Variants in MAPK8 observed in about 807,000 individuals in gnomAD.
MAPK8 encodes mitogen-activated protein kinase 8.
MAPK8 carries 13 observed loss-of-function variants against 52.9 expected under a neutral mutation model. The observed-to-expected ratio is 0.25, with a 90% CI of 0.16 to 0.39. The LOEUF (loss-of-function observed/expected upper bound fraction) is 0.39, where lower values mean the gene tolerates loss of function less well. MAPK8 is among the 10% of genes least tolerant of loss of function. The pLI is 1.00. For missense variants in MAPK8, 300 were observed against 519.2 expected (o/e 0.58, Z 4.10); for synonymous variants, 191 against 169.8 (o/e 1.12, Z -0.97).
At chr10:48,414,644 A>G (rs1353085250) in intron 5 of MAPK8, among the ~76,000 whole-genome samples, 1 of 145,610 alleles carries the variant, frequency 6.9e-6, no homozygotes. Context: ...TAGCATGAAC[A>G]TGGCTTACTG....
Position 48,410,024 on chromosome 10 carries a change from A to G in MAPK8, c.312-6A>G. On this transcript the variant is annotated splice_region_variant and splice_polypyrimidine_tract_variant and intron_variant, in intron 4 of 11. Transcript: ENST00000374189. ...CTTTAGCTGTTCTCTTTTTTCACTC[A>G]TAAAGTTACATAGTCATGGAGCTCA... 1 of 1,603,854 alleles carries G rather than the reference A, an allele frequency of 6.2e-7. No homozygotes were observed. The highest frequency in any genetic ancestry group is 2.2e-5 in the East Asian group (1 of 44,806).
At chr10:48,431,167 T>C (rs1365320499) in intron 10 of MAPK8, 26 bp from the exon 11 acceptor site, 3 of 1,502,126 alleles carry the variant, frequency 2.0e-6, no homozygotes, top group Middle Eastern at 1.8e-4. Context: ...CTTTGAAAAG[T>C]TCATTTTTGT....
rs146819278 is a variant in MAPK8 at position 48,393,878 on chromosome 10, A to G, written c.-49-7734A>G. 1.5e-3 allele frequency among the ~76,000 whole-genome samples: 225 copies of G among 152,146 alleles called. 1 individual carries two copies. Among genetic ancestry groups the G allele is most frequent in the African/African-American group, 5.3e-3 (222 of 41,578 alleles). On this transcript the variant is annotated intron_variant, in intron 1 of 11. Transcript: ENST00000374189. ...AAGTGTAAAACATTAGAGAAAAGTA[A>G]GAGAAATTAAAATCTTGTTTTTTTG... is the stretch of plus-strand genomic sequence containing the variant.
At chr10:48,404,034 C>T (rs1006743385) in intron 2 of MAPK8, among the ~76,000 whole-genome samples, 6 of 151,734 alleles carry the variant, frequency 4.0e-5, no homozygotes, top group Non-Finnish European at 5.9e-5. Context: ...CTACCCGCCT[C>T]GGCCTCCCAA....
intron 11 of MAPK8, among the ~76,000 whole-genome samples, chr10:48,433,148 T>C (rs1347316980): frequency 1.3e-5 from 2 of 152,222 alleles, no homozygotes; most frequent in African/African-American, 4.8e-5. Context: ...ATTATTACCA[T>C]TCAGATATTT....
chr10:48,358,592 A>G (rs1847209283), intron 1 of MAPK8, among the ~76,000 whole-genome samples: 2 of 152,124 alleles, frequency 1.3e-5, no homozygotes, highest in African/African-American at 4.8e-5. Context: ...ATGTCCTCTG[A>G]TGTACAAAAG....
chr10:48,350,160 C>A (rs574170176), intron 1 of MAPK8, among the ~76,000 whole-genome samples: 1 of 152,118 alleles, frequency 6.6e-6, no homozygotes, highest in African/African-American at 2.4e-5. Context: ...CAGGACCAGA[C>A]GGATTCACAG....
chr10:48,332,137 C>T (rs111829286), intron 1 of MAPK8, among the ~76,000 whole-genome samples: 2 of 152,278 alleles, frequency 1.3e-5, no homozygotes, highest in African/African-American at 4.8e-5. Flanking sequence ...GACCACATTA[C>T]TGGCAGTGGC....
chr10:48,328,732 A>G (rs1843784160), intron 1 of MAPK8, among the ~76,000 whole-genome samples: 1 of 152,208 alleles, frequency 6.6e-6, no homozygotes, highest in African/African-American at 2.4e-5. Context: ...ACTTGTCTTA[A>G]AAACAGAACA....
At chr10:48,346,984 G>A (rs1010563334) in intron 1 of MAPK8, among the ~76,000 whole-genome samples, 1 of 152,122 alleles carries the variant, frequency 6.6e-6, no homozygotes, top group Non-Finnish European at 1.5e-5. Context: ...AAATAACAGT[G>A]CAGCCAGACA....
chr10:48,405,718 A>G (rs1053913313), intron 3 of MAPK8, among the ~76,000 whole-genome samples: 1 of 152,232 alleles, frequency 6.6e-6, no homozygotes, highest in Non-Finnish European at 1.5e-5. Context: ...ACTTTTAGGC[A>G]GTCCTAAACC....
At position 48,312,687 on chromosome 10, in the gene MAPK8, A is replaced by G. The variant is rs145763337; in HGVS notation, c.-50+5866A>G. On this transcript the variant is annotated intron_variant, in intron 1 of 11. Transcript: ENST00000374189. ...ACCAAAGGTAAGATAAAGAAAAGCT[A>G]CTGCTGTGTGGATTTTTCTGTGACT... Among the ~76,000 whole-genome samples the G allele has an allele frequency of 3.9e-5, 6 of 152,358 alleles. No homozygotes were observed. The East Asian group carries it at 5.8e-4, about 15-fold the overall frequency.
At chr10:48,349,810 C>CA (rs1391547127) in intron 1 of MAPK8, among the ~76,000 whole-genome samples, 6 of 151,964 alleles carry the variant, frequency 3.9e-5, no homozygotes, top group Admixed American at 2.0e-4. Context: ...GAAAACCCCT[C>CA]AAAAAATCAG....
chr10:48,360,324 C>T (rs1847403673), intron 1 of MAPK8, among the ~76,000 whole-genome samples: 1 of 152,168 alleles, frequency 6.6e-6, no homozygotes, highest in Admixed American at 6.5e-5. Context: ...ATATTAGTTA[C>T]ATTTAAAAGT....
At chr10:48,420,849 G>A (rs887681740) in intron 6 of MAPK8, among the ~76,000 whole-genome samples, 3 of 152,142 alleles carry the variant, frequency 2.0e-5, no homozygotes, top group Non-Finnish European at 4.4e-5. Context: ...CCAGCCTTAA[G>A]GAAATGACTT....
intron 5 of MAPK8, 141 bp from the exon 6 acceptor site, chr10:48,420,014 A>G: frequency 1.9e-6 from 1 of 519,592 alleles, no homozygotes; most frequent in Non-Finnish European, 3.2e-6. Context: ...CCTTTTAACG[A>G]TGAATCAGTG....
chr10:48,400,785 ATAGTCTCTTTTGTC>A (rs1299061823), intron 1 of MAPK8, among the ~76,000 whole-genome samples: 6 of 152,200 alleles, frequency 3.9e-5, no homozygotes, highest in African/African-American at 1.4e-4. Flanking sequence ...ACATTTTGGA[ATAGTCTCTTTTGTC>A]TAGTAAGGAT....
chr10:48,313,293 C>T (rs1302550027), intron 1 of MAPK8, among the ~76,000 whole-genome samples: 4 of 151,912 alleles, frequency 2.6e-5, no homozygotes, highest in Admixed American at 6.6e-5. Flanking sequence ...ATTAGCTGGG[C>T]GTGGTAGCGT....
Position 48,435,058 on chromosome 10 carries a change from A to AT in MAPK8, c.*30dup. ...CTTGGGCCATCGGGGGGTGGGAGGG[A>AT]TGGGGAGTCGGTTAGTCATTGATAG... On this transcript the variant is annotated 3_prime_UTR_variant, in exon 12 of 12. Coordinates refer to ENST00000374189, the MANE Select transcript of MAPK8 (RefSeq NM_001323329.2). The AT allele has an allele frequency of 6.8e-6, 3 of 440,106 alleles. No homozygotes were observed. Among genetic ancestry groups the AT allele is most frequent in the Non-Finnish European group, 4.5e-6 (1 of 223,166 alleles). 27.3% of individuals were successfully genotyped at this position (440,106 alleles called of 1,614,324 possible).
Sources: allele counts gnomAD v4.1 joint callset (sites outside exome capture counted in the v4.1 genomes callset), GRCh38; gene constraint gnomAD v4.1.1; transcripts MANE v1.5; gene names NCBI Gene and HGNC (gene_info 2026-07-23, HGNC 2026-07-21).